The following DHRSX variants were observed in gnomAD, a reference collection of about 807,000 sequenced individuals.
The protein encoded by DHRSX is dehydrogenase/reductase X-linked.
In DHRSX, 31 loss-of-function variants were observed where a neutral mutation model predicts 34.0. That is an observed-to-expected ratio of 0.91 (90% CI 0.69 to 1.23). DHRSX has a LOEUF of 1.23. Among genes scored for constraint, DHRSX ranks in the 50% most tolerant of loss-of-function variants. The probability of loss-of-function intolerance (pLI) is 0.00; values close to 1 mark genes in which losing one functional copy is unlikely to be tolerated. For synonymous variants in DHRSX, 201 were observed against 183.8 expected (o/e 1.09, Z -0.76); for missense variants, 414 against 428.1 (o/e 0.97, Z 0.29).
chrX:2,381,841 GAGA>G (rs2043207695), intron 3 of DHRSX, among the ~76,000 whole-genome samples: 1 of 146,992 alleles, frequency 6.8e-6, no homozygotes, highest in South Asian at 2.1e-4. Flanking sequence ...CACATGAGGT[GAGA>G]AGGATTTTCC....
intron 1 of DHRSX, among the ~76,000 whole-genome samples, chrX:2,448,873 A>C (rs1298261957): frequency 6.6e-6 from 1 of 152,132 alleles, no homozygotes. Context: ...CAAGGAAAGG[A>C]TTCCAGTTAT....
intron 3 of DHRSX, among the ~76,000 whole-genome samples, chrX:2,349,051 A>G (rs1015505728): frequency 6.6e-6 from 1 of 152,114 alleles, no homozygotes; most frequent in African/African-American, 2.4e-5. Flanking sequence ...TTCCTCTGCC[A>G]CTGTTTCCTG....
At chrX:2,368,008 C>T (rs1455761754) in intron 3 of DHRSX, among the ~76,000 whole-genome samples, 2 of 151,758 alleles carry the variant, frequency 1.3e-5, no homozygotes, top group Non-Finnish European at 2.9e-5. Context: ...TTTGGGAGGC[C>T]GAGGAGGGTG....
At chrX:2,452,959 A>G (rs1367040690) in intron 1 of DHRSX, among the ~76,000 whole-genome samples, 1 of 152,164 alleles carries the variant, frequency 6.6e-6, no homozygotes, top group Non-Finnish European at 1.5e-5. Context: ...TTTCCAAGAG[A>G]CGGAATAAAC....
intron 1 of DHRSX, among the ~76,000 whole-genome samples, chrX:2,469,525 C>T (rs1171302474): frequency 6.6e-6 from 1 of 151,518 alleles, no homozygotes; most frequent in Non-Finnish European, 1.5e-5. Context: ...ACCATGTACA[C>T]ACTGAAGACA....
chrX:2,251,156 C>T (rs993432780), intron 5 of DHRSX, among the ~76,000 whole-genome samples: 1 of 152,114 alleles, frequency 6.6e-6, no homozygotes, highest in African/African-American at 2.4e-5. Flanking sequence ...AATCTGACAT[C>T]GGGCCTGTAA....
At position 2,324,945 on chromosome X, in the gene DHRSX, TG is replaced by T. The variant is rs1446462500; in HGVS notation, c.287-33343del. ...CACCAAGCCCGGCTAATTTTTGTTT[TG>T]TTTTTTTTTTTTTTAGTAGAGACGC... On this transcript the variant is annotated intron_variant, in intron 3 of 6. Transcript: ENST00000334651. Among the ~76,000 whole-genome samples the T allele has an allele frequency of 4.3e-3, 271 of 62,668 alleles. 2 individuals carry two copies. The highest frequency in any genetic ancestry group is 0.022 in the African/African-American group (237 of 10,714). 41.1% of individuals were successfully genotyped at this position (62,668 alleles called of 152,430 possible).
intron 3 of DHRSX, among the ~76,000 whole-genome samples, chrX:2,346,904 G>C (rs1006112307): frequency 3.5e-4 from 53 of 151,934 alleles, no homozygotes; most frequent in Non-Finnish European, 5.6e-4. Context: ...GAGGTGTTTG[G>C]TTTTCTGTCC....
Position 2,332,605 on chromosome X carries a change from G to A in DHRSX, c.287-41002C>T, listed in dbSNP as rs114951868. Among the ~76,000 whole-genome samples, 1,224 of 152,260 alleles carry A rather than the reference G, an allele frequency of 8.0e-3. 16 individuals carry two copies. The highest frequency in any genetic ancestry group is 0.027 in the Middle Eastern group (8 of 294). On this transcript the variant is annotated intron_variant, in intron 3 of 6. Coordinates refer to ENST00000334651, the MANE Select transcript of DHRSX (RefSeq NM_145177.3). ...ACCTCTCTCTGGGGCCTGACCTGCC[G>A]TCTAAAAACAGTCCACCCCAATGCA...
chrX:2,490,220 T>C, intron 1 of DHRSX: 1 of 1,613,946 alleles, frequency 6.2e-7, no homozygotes, highest in Non-Finnish European at 8.5e-7. Flanking sequence ...GGTAGAGATG[T>C]ACTTCCGGCT....
intron 6 of DHRSX, among the ~76,000 whole-genome samples, chrX:2,221,526 G>A (rs753044016): frequency 1.9e-4 from 29 of 152,234 alleles, no homozygotes; most frequent in South Asian, 1.7e-3. Context: ...ATTTAATCAC[G>A]CACTCTTTAT....
chrX:2,335,507 G>A lies in DHRSX; in HGVS notation c.287-43904C>T, dbSNP rs146896345. ...TGCTCTGGCACCAGGCTGGAGTGCA[G>A]TGGCGCGACCTCGGCTCACTGCAAC... On this transcript the variant is annotated intron_variant, in intron 3 of 6. Coordinates refer to ENST00000334651, the MANE Select transcript of DHRSX (RefSeq NM_145177.3). Among the ~76,000 whole-genome samples the A allele has an allele frequency of 9.8e-3, 1,495 of 151,998 alleles. 21 individuals carry two copies. Among genetic ancestry groups the A allele is most frequent in the South Asian group, 0.052 (252 of 4,812 alleles).
chrX:2,392,324 C>G (rs930043706), intron 3 of DHRSX: 18 of 170,306 alleles, frequency 1.1e-4, no homozygotes, highest in Middle Eastern at 1.2e-3. Context: ...ATATGTAAAG[C>G]ATTTATCATT....
intron 1 of DHRSX, among the ~76,000 whole-genome samples, chrX:2,484,592 G>A (rs1268294482): frequency 5.9e-5 from 9 of 152,136 alleles, no homozygotes; most frequent in Non-Finnish European, 1.3e-4. Context: ...AAACACTGCC[G>A]TTTTGCTGCA....
intron 1 of DHRSX, chrX:2,489,094 G>A (rs2045043132): frequency 1.2e-6 from 2 of 1,613,746 alleles, no homozygotes; most frequent in Non-Finnish European, 1.7e-6. Flanking sequence ...TGTTGATGAC[G>A]CTGGCGGGCG....
chrX:2,480,304 A>T lies in DHRSX; in HGVS notation c.109+20513T>A, dbSNP rs1368385577. 2.0e-5 allele frequency among the ~76,000 whole-genome samples: 3 copies of T among 150,734 alleles called. No homozygotes were observed. The Admixed American group carries it at 2.0e-4, about 10-fold the overall frequency. On this transcript the variant is annotated intron_variant, in intron 1 of 6. Coordinates refer to ENST00000334651, the MANE Select transcript of DHRSX (RefSeq NM_145177.3). Reference sequence around the variant, plus strand: ...GTATCATCTCGTATGTAGAATCTAAAAAAGCTGAACGCATAAACGCAGAGA... The same window carrying T: ...GTATCATCTCGTATGTAGAATCTAATAAAGCTGAACGCATAAACGCAGAGA...
chrX:2,347,161 G>A (rs1459346677), intron 3 of DHRSX, among the ~76,000 whole-genome samples: 1 of 152,154 alleles, frequency 6.6e-6, no homozygotes, highest in East Asian at 1.9e-4. Context: ...AGGTTTAACT[G>A]GACTTACAGT....
chrX:2,387,809 C>T, intron 3 of DHRSX, among the ~76,000 whole-genome samples: 1 of 149,390 alleles, frequency 6.7e-6, no homozygotes, highest in East Asian at 2.0e-4. Flanking sequence ...TCAGCCAGCT[C>T]CAGAGTGTGC....
intron 1 of DHRSX, among the ~76,000 whole-genome samples, chrX:2,447,540 C>A (rs1423438578): frequency 3.9e-5 from 6 of 151,936 alleles, no homozygotes; most frequent in Admixed American, 6.6e-5. Context: ...AGGTGTGTAC[C>A]CAAAGGAAAG....
Sources: gnomAD v4.1 joint callset for allele counts (sites outside exome capture counted in the v4.1 genomes callset) on GRCh38, gnomAD v4.1.1 for gene constraint, MANE v1.5 for transcripts, NCBI Gene and HGNC (gene_info 2026-07-23, HGNC 2026-07-21) for gene names.